The following SASH1 variants were observed in gnomAD, a reference collection of about 807,000 sequenced individuals.
The protein encoded by SASH1 is SAM and SH3 domain containing 1.
SASH1 carries 44 observed loss-of-function variants against 125.2 expected under a neutral mutation model. The ratio of observed to expected loss-of-function variants is 0.35; its 90% CI spans 0.28 to 0.45. The LOEUF (loss-of-function observed/expected upper bound fraction) is 0.45, where lower values mean the gene tolerates loss of function less well. Ranked by LOEUF, SASH1 falls within the 20% of genes least tolerant of loss-of-function variation. The pLI is 1.00. For missense variants in SASH1, 1,426 were observed against 1,614.5 expected, an observed-to-expected ratio of 0.88 and a Z score of 2.00; for synonymous variants, 639 against 649.1, an observed-to-expected ratio of 0.98 and a Z score of 0.24.
In SASH1 at chr6:148,468,580, C is replaced by T. The variant is rs1210984858; in HGVS notation, c.422C>T (p.Ser141Phe). 6.9e-6 allele frequency: 11 copies of T among 1,602,998 alleles called. No homozygotes were observed. Among genetic ancestry groups the T allele is most frequent in the Admixed American group, 1.7e-5 (1 of 59,566 alleles). Residue 141 changes from serine to phenylalanine, a missense_variant, in exon 5 of 20, where the codon TCT (serine) becomes TTT (phenylalanine). Ser to Phe is a radical substitution (Grantham distance 155). Around this residue, in one of 3 missense-constraint regions of SASH1, gnomAD observed 567 missense variants for 575.6 expected, o/e 0.99. Transcript: ENST00000367467. ...CATAAATCAAACTCAGAAGACAGCT[C>T]TGTAGGTCAGTACCACTTTTCTTGG... ...PLHKSNSEDS[S>F]VGKGDWKKKN...
the SASH1 span, among the ~76,000 whole-genome samples, chr6:148,241,099 A>C: frequency 6.6e-6 from 1 of 152,226 alleles, no homozygotes; most frequent in Admixed American, 6.5e-5. Context: ...AAGGGGAAAA[A>C]AAATATCCAC....
the SASH1 span, among the ~76,000 whole-genome samples, chr6:148,194,636 G>A: frequency 6.6e-6 from 1 of 152,182 alleles, no homozygotes. Context: ...GTCCAGGTGC[G>A]GTGGCTCGTG....
chr6:148,413,112 T>C (rs574016549), intron 2 of SASH1, among the ~76,000 whole-genome samples: 98 of 152,328 alleles, frequency 6.4e-4, no homozygotes, highest in African/African-American at 2.2e-3. Flanking sequence ...TTAGAGAAGT[T>C]CAGTTTCAGT....
chr6:148,467,923 C>T (rs117127331), intron 4 of SASH1, among the ~76,000 whole-genome samples: 13,194 of 152,008 alleles, frequency 0.087, 741 homozygotes, highest in Non-Finnish European at 0.13. Context: ...GACTACAGAG[C>T]AAGACTGTCT....
At chr6:148,303,364 C>T (rs1780026880) in intron 1 of SASH1, among the ~76,000 whole-genome samples, 1 of 152,024 alleles carries the variant, frequency 6.6e-6, no homozygotes, top group Non-Finnish European at 1.5e-5. Flanking sequence ...GAACGTTCTT[C>T]AGGATAGACC....
chr6:148,331,093 T>C (rs928051465), intron 1 of SASH1, among the ~76,000 whole-genome samples: 1 of 152,192 alleles, frequency 6.6e-6, no homozygotes, highest in Admixed American at 6.5e-5. Context: ...GGTTCCTGCC[T>C]TAAACAGTAT....
At position 148,532,648 on chromosome 6, in the gene SASH1, G is replaced by T; in HGVS notation, c.1565-149G>T. 2.3e-6 allele frequency: 2 copies of T among 857,542 alleles called. No homozygotes were observed. The highest frequency in any genetic ancestry group is 4.8e-5 in the Admixed American group (2 of 42,078). The allele number at this position is 857,542 out of a possible 1,614,324, so 53.1% of individuals were successfully genotyped here. ...TAGCACTCGGAGAATTCATAACTGG[G>T]CCCTGCCCTGGTCCTGACAGAGGGT... On this transcript the variant is annotated intron_variant, in intron 13 of 19. Transcript: ENST00000367467. This position sits in a 1 kb window ranked among gnomAD's most constrained non-coding sequence, Gnocchi z 4.7.
chr6:148,328,998 A>G (rs762734754), intron 1 of SASH1, among the ~76,000 whole-genome samples: 47 of 152,182 alleles, frequency 3.1e-4, no homozygotes, highest in Non-Finnish European at 1.6e-4. Context: ...ATTTCAGCTT[A>G]GAAGACTTAG....
chr6:148,363,472 G>T (rs1420360654), intron 1 of SASH1, among the ~76,000 whole-genome samples: 1 of 151,650 alleles, frequency 6.6e-6, no homozygotes, highest in South Asian at 2.1e-4. Flanking sequence ...CACGATCTTC[G>T]CTCACTGCAA....
At chr6:148,515,453 A>G (rs961204760) in intron 9 of SASH1, among the ~76,000 whole-genome samples, 6 of 152,108 alleles carry the variant, frequency 3.9e-5, no homozygotes, top group African/African-American at 1.4e-4. Context: ...TGCTGCTTTT[A>G]ATTTGTGTTT....
chr6:148,414,804 T>C (rs1485898809), intron 2 of SASH1, among the ~76,000 whole-genome samples: 1 of 152,172 alleles, frequency 6.6e-6, no homozygotes, highest in Non-Finnish European at 1.5e-5. Context: ...TAACTGGGTT[T>C]ACAGATGCCT....
intron 6 of SASH1, among the ~76,000 whole-genome samples, chr6:148,472,455 A>C (rs1222594867): frequency 6.6e-6 from 1 of 152,112 alleles, no homozygotes; most frequent in Non-Finnish European, 1.5e-5. Flanking sequence ...TAAAAAAAAA[A>C]AAAACAGTCT....
chr6:148,298,713 G>GGAAGGGA (rs1779841276), intron 1 of SASH1, among the ~76,000 whole-genome samples: 1 of 46,738 alleles, frequency 2.1e-5, no homozygotes, highest in Non-Finnish European at 4.0e-5. Flanking sequence ...AAGGAAGGAA[G>GGAAGGGA]AAGGAAGGGA....
intron 4 of SASH1, among the ~76,000 whole-genome samples, chr6:148,446,965 G>A (rs1776823483): frequency 6.6e-6 from 1 of 152,218 alleles, no homozygotes; most frequent in African/African-American, 2.4e-5. Context: ...AGAGGCTAGT[G>A]GCAAATCGTG....
chr6:148,409,053 G>A lies in SASH1; in HGVS notation c.285+18791G>A, dbSNP rs116008778. Among the ~76,000 whole-genome samples the A allele has an allele frequency of 8.1e-3, 1,231 of 152,252 alleles. 15 individuals are homozygous for A. Among genetic ancestry groups the A allele is most frequent in the African/African-American group, 0.028 (1,181 of 41,552 alleles). ...CCGCTTTCTCTGCAGGCTCTTCTTGGTTCCCCAAGCTAAGTGGCTCTTGCC... is the reference window on the plus strand; with the variant it reads ...CCGCTTTCTCTGCAGGCTCTTCTTGATTCCCCAAGCTAAGTGGCTCTTGCC... On this transcript the variant is annotated intron_variant, in intron 2 of 19. Coordinates refer to ENST00000367467, the MANE Select transcript of SASH1 (RefSeq NM_015278.5).
At chr6:148,197,434 G>A in the SASH1 span, among the ~76,000 whole-genome samples, 1 of 152,184 alleles carries the variant, frequency 6.6e-6, no homozygotes, top group African/African-American at 2.4e-5. Flanking sequence ...CCTAAGACTA[G>A]CAAACTTGTC....
Position 148,549,563 on chromosome 6 carries a change from T to G in SASH1, c.*1005T>G. Reference sequence around the variant, plus strand: ...AATTCAGTCCTCAGTTAACGGATCATGTTTGCAAAAGGTCACTGTGAGGCT... The same window carrying G: ...AATTCAGTCCTCAGTTAACGGATCAGGTTTGCAAAAGGTCACTGTGAGGCT... On this transcript the variant is annotated 3_prime_UTR_variant, in exon 20 of 20. Coordinates refer to ENST00000367467, the MANE Select transcript of SASH1 (RefSeq NM_015278.5). 5.0e-6 allele frequency: 2 copies of G among 398,904 alleles called. No individual in the cohort carries two copies. Among genetic ancestry groups the G allele is most frequent in the Non-Finnish European group, 8.9e-6 (2 of 225,958 alleles). The allele number at this position is 398,904 out of a possible 1,614,324, so 24.7% of individuals were successfully genotyped here. A position where few individuals can be genotyped will look rare whatever the true frequency, so the allele number is the denominator to read the frequency against.
intron 1 of SASH1, among the ~76,000 whole-genome samples, chr6:148,363,857 G>C (rs1394839522): frequency 1.3e-5 from 2 of 152,040 alleles, no homozygotes; most frequent in Non-Finnish European, 2.9e-5. Context: ...GAAAGTAAAA[G>C]AGGATATGGA....
the SASH1 span, among the ~76,000 whole-genome samples, chr6:148,261,160 A>G: frequency 1.3e-5 from 2 of 152,154 alleles, no homozygotes; most frequent in Non-Finnish European, 2.9e-5. Context: ...TGAGTTAATC[A>G]CCATGAAGAT....
Sources: allele counts gnomAD v4.1 joint callset (sites outside exome capture counted in the v4.1 genomes callset), GRCh38; gene constraint gnomAD v4.1.1; regional missense constraint gnomAD v4.1.1; non-coding constraint Gnocchi (gnomAD v3.1); transcripts MANE v1.5; gene names NCBI Gene and HGNC (gene_info 2026-07-23, HGNC 2026-07-21).